Variants in ANO1 observed in about 807,000 individuals in gnomAD.
ANO1 encodes anoctamin-1.
ANO1 carries 59 observed loss-of-function variants against 124.0 expected under a neutral mutation model. That is an observed-to-expected ratio of 0.48 (90% CI 0.39 to 0.59). The LOEUF is 0.59. Ranked by LOEUF, ANO1 falls within the 20% of genes least tolerant of loss-of-function variation. The pLI, the probability that ANO1 is intolerant of heterozygous loss-of-function variation, is 0.00. For synonymous variants in ANO1, 529 were observed against 532.0 expected (o/e 0.99, Z 0.08); for missense variants, 1,059 against 1,328.0 (o/e 0.80, Z 3.15).
rs1337561547 is a variant in ANO1, at chr11:70,161,616, C to T, written c.1781-6C>T. The T allele has an allele frequency of 6.2e-7, 1 of 1,613,592 alleles. No individual in the cohort carries two copies. The stretch of plus-strand genomic sequence containing the variant: ...AGCCTCAGTATCATCCTACCCCTCC[C>T]TCTAGAGGTCCCAAAGACGGAGAAA... On this transcript the variant is annotated splice_polypyrimidine_tract_variant and splice_region_variant and intron_variant, in intron 17 of 25. Coordinates refer to ENST00000355303, the MANE Select transcript of ANO1 (RefSeq NM_018043.7).
chr11:69,996,420 T>G (rs1194717010), intron 1 of ANO1, among the ~76,000 whole-genome samples: 9 of 152,208 alleles, frequency 5.9e-5, no homozygotes, highest in Non-Finnish European at 1.0e-4. Flanking sequence ...TGCCCTGACT[T>G]CTACTGACCA....
chr11:70,074,892 C>G (rs1253042408), upstream of ANO1: 1 of 152,320 alleles, frequency 6.6e-6, no homozygotes, highest in African/African-American at 2.4e-5. Context: ...CACGCTAGAG[C>G]TCCTTTATTA....
intron 1 of ANO1, among the ~76,000 whole-genome samples, chr11:70,024,888 A>T (rs1164898741): frequency 6.6e-6 from 1 of 152,148 alleles, no homozygotes; most frequent in Non-Finnish European, 1.5e-5. Context: ...AGCTTGTGAG[A>T]CAGGGACCAC....
At chr11:69,996,589 T>G (rs1356689005) in intron 1 of ANO1, among the ~76,000 whole-genome samples, 9 of 152,170 alleles carry the variant, frequency 5.9e-5, no homozygotes, top group African/African-American at 2.2e-4. Flanking sequence ...GACCCCTGAA[T>G]GAGATAGCCA....
intron 1 of ANO1, chr11:70,015,602 A>G (rs1183715147): frequency 6.6e-6 from 1 of 152,370 alleles, no homozygotes; most frequent in African/African-American, 2.4e-5. Context: ...TGCTGGTGTC[A>G]CCACTTCCAC....
At chr11:70,017,913 C>G (rs1192811676) in intron 1 of ANO1, among the ~76,000 whole-genome samples, 1 of 152,154 alleles carries the variant, frequency 6.6e-6, no homozygotes, top group Non-Finnish European at 1.5e-5. Context: ...CCCCTGCCTG[C>G]AACTCCAGCC....
chr11:70,083,662 C>T (rs542365513), intron 1 of ANO1, among the ~76,000 whole-genome samples: 35 of 152,254 alleles, frequency 2.3e-4, no homozygotes, highest in Non-Finnish European at 4.1e-4. Context: ...TGTGGAATTT[C>T]CTCCCTGTCT....
chr11:70,034,296 C>T (rs140407536), intron 1 of ANO1, among the ~76,000 whole-genome samples: 28 of 152,182 alleles, frequency 1.8e-4, no homozygotes, highest in African/African-American at 5.5e-4. Context: ...GGCACAGTGT[C>T]TCAGGAGTCT....
intron 1 of ANO1, among the ~76,000 whole-genome samples, chr11:70,032,107 G>T (rs960997346): frequency 6.6e-6 from 1 of 152,226 alleles, no homozygotes; most frequent in Non-Finnish European, 1.5e-5. Flanking sequence ...GGAAGGAGGA[G>T]GCAGGAAAGG....
chr11:69,993,650 G>A (rs1438658371), intron 1 of ANO1, among the ~76,000 whole-genome samples: 1 of 152,172 alleles, frequency 6.6e-6, no homozygotes, highest in Non-Finnish European at 1.5e-5. Context: ...CTTGGTTTGT[G>A]TCCCCACTTC....
At chr11:70,167,491 G>T (rs527955032) in intron 21 of ANO1, 104 bp downstream of exon 21, 1 of 1,423,938 alleles carries the variant, frequency 7.0e-7, no homozygotes, top group South Asian at 1.4e-5. Flanking sequence ...CCAACCCTGC[G>T]GTGCCCAGCG....
At chr11:70,136,847 C>G (rs112006384) in intron 11 of ANO1, among the ~76,000 whole-genome samples, 7 of 147,758 alleles carry the variant, frequency 4.7e-5, no homozygotes, top group African/African-American at 1.7e-4. Flanking sequence ...TGGACAAAGG[C>G]GTTCGATTTT....
intron 1 of ANO1, among the ~76,000 whole-genome samples, chr11:70,016,883 A>G (rs1308708396): frequency 2.0e-5 from 3 of 152,214 alleles, no homozygotes; most frequent in East Asian, 3.8e-4. Flanking sequence ...TGCTTGTCTC[A>G]CACTGCAGCC....
intron 1 of ANO1, among the ~76,000 whole-genome samples, chr11:70,008,602 C>T (rs1018534418): frequency 7.3e-5 from 11 of 150,304 alleles, no homozygotes; most frequent in South Asian, 2.1e-4. Flanking sequence ...TTGGCCTATG[C>T]GTCTTTCTTT....
rs1432052043 is a variant in ANO1 at position 70,087,726 on chromosome 11, A to G, written c.109-26A>G. 4 of 1,555,318 alleles carry G rather than the reference A, an allele frequency of 2.6e-6. No individual in the cohort carries two copies. In the South Asian group the frequency reaches 5.0e-5, roughly 19 times the overall value. On this transcript the variant is annotated intron_variant, in intron 1 of 25. Transcript: ENST00000355303. ...CCCATCACGAGCAGCTCGATGGTGA[A>G]TGGGTGTCTTTTCTTCCACCCTTAG... is the stretch of plus-strand genomic sequence containing the variant.
chr11:70,185,206 C>A (rs531843526), intron 24 of ANO1, among the ~76,000 whole-genome samples: 5 of 152,270 alleles, frequency 3.3e-5, no homozygotes, highest in Admixed American at 3.3e-4. Context: ...ACTCTTGGGG[C>A]CTATTGGAGT....
rs2044096510 is a variant in ANO1, at chr11:70,078,473, G to A, written c.-134G>A. 8.6e-6 allele frequency: 2 copies of A among 232,946 alleles called. No homozygotes were observed. Among genetic ancestry groups the A allele is most frequent in the Non-Finnish European group, 1.4e-5 (2 of 142,238 alleles). 14.4% of individuals were successfully genotyped at this position (232,946 alleles called of 1,614,324 possible). ...GGAGCGGGAGGCGGCCACGTCCCCG[G>A]CGGGCCTGGGCGCGGGGAGGCCCGG... On this transcript the variant is annotated 5_prime_UTR_variant, in exon 1 of 26. Transcript: ENST00000355303.
the ANO1 span, among the ~76,000 whole-genome samples, chr11:69,966,611 G>A: frequency 5.9e-5 from 9 of 152,188 alleles, no homozygotes; most frequent in Admixed American, 3.3e-4. Context: ...AAGAGCTGGC[G>A]ATGGAGGAGA....
chr11:70,085,327 G>T, intron 1 of ANO1: 15 of 1,352,844 alleles, frequency 1.1e-5, no homozygotes, highest in East Asian at 5.4e-5. Context: ...TTCCCCCTGA[G>T]CCCTCCCAAG....
Sources: gnomAD v4.1 joint callset for allele counts (sites outside exome capture counted in the v4.1 genomes callset) on GRCh38, gnomAD v4.1.1 for gene constraint, MANE v1.5 for transcripts, NCBI Gene and HGNC (gene_info 2026-07-23, HGNC 2026-07-21) for gene names.